DSC1: variants seen among roughly 807,000 people sequenced by gnomAD.
DSC1 encodes desmocollin-1.
DSC1 carries 79 observed loss-of-function variants against 98.8 expected under a neutral mutation model. The observed-to-expected ratio is 0.80, with a 90% CI of 0.67 to 0.96. The LOEUF is 0.96. DSC1 is among the 50% of genes least tolerant of loss of function. The pLI is 0.00. For missense variants in DSC1, 1,115 were observed against 1,075.9 expected, an observed-to-expected ratio of 1.04 and a Z score of -0.51; for synonymous variants, 405 against 372.1, an observed-to-expected ratio of 1.09 and a Z score of -1.02.
At chr18:31,131,996 T>A in intron 14 of DSC1, 154 bp from the exon 15 acceptor site, 1 of 867,306 alleles carries the variant, frequency 1.2e-6, no homozygotes, top group Admixed American at 2.8e-5. Flanking sequence ...GTGTGATGGG[T>A]TGAATTGAGT....
chr18:31,154,465 G>A (rs1054552700), intron 5 of DSC1, among the ~76,000 whole-genome samples: 23 of 151,954 alleles, frequency 1.5e-4, no homozygotes, highest in African/African-American at 5.1e-4. Context: ...GAGAATAACT[G>A]AGTCATTTTA....
chr18:31,150,351 C>CCATCAT (rs1568002821), intron 5 of DSC1, among the ~76,000 whole-genome samples: 8 of 1,102 alleles, frequency 7.3e-3, no homozygotes, highest in Non-Finnish European at 0.012. Flanking sequence ...ATCACCACCA[C>CCATCAT]CACCACCATC....
chr18:31,134,762 T>A lies in DSC1; in HGVS notation c.1686A>T (p.Thr562=). ...VDAVGRSCTG[T]LVVHLDDYND... ...TGTAATCATCCAAATGAACTACTAA[T>A]GTTCCAGTGCAAGATCGGCCAACTA... The change falls in exon 12 of 16, where the codon ACA becomes ACT. Residue 562 remains threonine (T), a synonymous_variant. Transcript: ENST00000257198. 6.2e-7 allele frequency: 1 copy of A among 1,612,114 alleles called. No homozygotes were observed. Among genetic ancestry groups the A allele is most frequent in the South Asian group, 1.1e-5 (1 of 90,972 alleles).
chr18:31,138,561 A>G (rs1658110), intron 11 of DSC1, among the ~76,000 whole-genome samples: 1 of 151,626 alleles, frequency 6.6e-6, no homozygotes, highest in Non-Finnish European at 1.5e-5. Context: ...TTCTTTGCCA[A>G]CATAGAAAAA....
Position 31,145,731 on chromosome 18 carries a change from G to C in DSC1, c.819C>G (p.Asp273Glu). The stretch of plus-strand genomic sequence containing the variant: ...TATATTTCAGACGAGTATGGAGAGT[G>C]TCAGGTTCGTCAAGGTCTGTGGCGG... ...KVTATDLDEP[D>E]TLHTRLKYKI... Residue 273 changes from aspartate (D) to glutamate (E), a missense_variant, in exon 7 of 16, where the codon GAC (aspartate) becomes GAG (glutamate). By Grantham distance (45) the Asp-to-Glu change is conservative. Transcript: ENST00000257198. The C allele has an allele frequency of 6.2e-7, 1 of 1,614,202 alleles. No individual in the cohort carries two copies. Among genetic ancestry groups the C allele is most frequent in the Non-Finnish European group, 8.5e-7 (1 of 1,180,032 alleles).
intron 8 of DSC1, among the ~76,000 whole-genome samples, chr18:31,143,111 A>G (rs1363379676): frequency 6.6e-6 from 1 of 151,838 alleles, no homozygotes; most frequent in East Asian, 1.9e-4. Flanking sequence ...ATATAAATAT[A>G]TATATGTGTA....
intron 5 of DSC1, among the ~76,000 whole-genome samples, chr18:31,150,205 C>CATT (rs1171005688): frequency 6.8e-6 from 1 of 147,016 alleles, no homozygotes; most frequent in Non-Finnish European, 1.5e-5. Flanking sequence ...TCATCACCAC[C>CATT]ACCACCACCA....
chr18:31,131,574 T>G lies in DSC1; in HGVS notation c.2487+20A>C. 1 of 1,613,720 alleles carries G rather than the reference T, an allele frequency of 6.2e-7. No homozygotes were observed. On this transcript the variant is annotated intron_variant, in intron 15 of 15. Transcript: ENST00000257198. Reference sequence around the variant, plus strand: ...CATTTAACTTCCATGTAATATGACCTCAAAGACAGTGGAACTTACTTCGCC... The same window carrying G: ...CATTTAACTTCCATGTAATATGACCGCAAAGACAGTGGAACTTACTTCGCC...
In DSC1 at chr18:31,130,566, T is replaced by G. The variant is rs1252715444; in HGVS notation, c.2633A>C (p.Asp878Ala). 1.2e-6 allele frequency: 2 copies of G among 1,614,182 alleles called. No homozygotes were observed. Among genetic ancestry groups the G allele is most frequent in the Non-Finnish European group, 1.7e-6 (2 of 1,180,030 alleles). ...TGTCCTAAATTTGGGTTCCAGGTGA[T>G]CTAGAAACTCCAGTCCCTCTTCTTC... ...RQEEEGLEFL[D>A]HLEPKFRTLA... Residue 878 changes from aspartate (D) to alanine (A), a missense_variant, in exon 16 of 16, where the codon GAT becomes GCT. Transcript: ENST00000257198.
At chr18:31,131,988 G>A in intron 14 of DSC1, 146 bp from the exon 15 acceptor site, 1 of 948,648 alleles carries the variant, frequency 1.1e-6, no homozygotes, top group Non-Finnish European at 1.5e-6. Context: ...TATCATAGGT[G>A]TGATGGGTTG....
intron 11 of DSC1, among the ~76,000 whole-genome samples, chr18:31,138,763 A>AT (rs60894645): frequency 6.6e-6 from 1 of 151,306 alleles, no homozygotes; most frequent in Non-Finnish European, 1.5e-5. Flanking sequence ...GGAAAAAAAA[A>AT]CCCATAGCAT....
At chr18:31,155,062 G>A in intron 4 of DSC1, 133 bp from the exon 5 acceptor site, 1 of 1,053,204 alleles carries the variant, frequency 9.5e-7, no homozygotes, top group South Asian at 1.7e-5. Flanking sequence ...CTGCTTAGGT[G>A]CCCATTATCT....
intron 11 of DSC1, among the ~76,000 whole-genome samples, chr18:31,138,092 T>C (rs981077948): frequency 2.0e-5 from 3 of 152,030 alleles, no homozygotes; most frequent in Non-Finnish European, 4.4e-5. Context: ...CTTTACTTTT[T>C]TATTAAACAC....
chr18:31,162,672 C>T lies in DSC1; in HGVS notation c.-78G>A, dbSNP rs977484675. ...GATGCACAGAGCGGCTAAGAAGACG[C>T]TGGCACTTGCACAGGGTATTCTGCT... On this transcript the variant is annotated 5_prime_UTR_variant, in exon 1 of 16. Coordinates refer to ENST00000257198, the MANE Select transcript of DSC1 (RefSeq NM_024421.2). 1.5e-6 allele frequency: 2 copies of T among 1,301,932 alleles called. 1 individual carries two copies. Among genetic ancestry groups the T allele is most frequent in the Non-Finnish European group, 2.2e-6 (2 of 900,220 alleles). The allele number at this position is 1,301,932 out of a possible 1,614,324, so 80.6% of individuals were successfully genotyped here.
chr18:31,145,706 T>C lies in DSC1; in HGVS notation c.844A>G (p.Lys282Glu). ...TGATCTGGGATTTGTTGTAAGATTT[T>C]ATATTTCAGACGAGTATGGAGAGTG... Reference protein sequence around the residue: ...PDTLHTRLKYKILQQIPDHPK... With the variant: ...PDTLHTRLKYEILQQIPDHPK... Residue 282 changes from lysine (K) to glutamate (E), a missense_variant, in exon 7 of 16, where the codon AAA (lysine) becomes GAA (glutamate). Coordinates refer to ENST00000257198, the MANE Select transcript of DSC1 (RefSeq NM_024421.2). The C allele has an allele frequency of 4.3e-6, 7 of 1,614,220 alleles. No homozygotes were observed. The highest frequency in any genetic ancestry group is 5.9e-6 in the Non-Finnish European group (7 of 1,180,034).
intron 5 of DSC1, chr18:31,150,784 T>C (rs1225356644): frequency 2.6e-5 from 4 of 152,212 alleles, no homozygotes; most frequent in Non-Finnish European, 4.4e-5. Context: ...TAAAATGGTT[T>C]TATATCTCTA....
intron 6 of DSC1, among the ~76,000 whole-genome samples, chr18:31,146,159 G>A (rs1019385644): frequency 8.5e-5 from 13 of 152,150 alleles, no homozygotes; most frequent in Non-Finnish European, 1.9e-4. Flanking sequence ...CGATACCGAG[G>A]TTTGGGCTTC....
intron 11 of DSC1, 98 bp downstream of exon 11, chr18:31,139,650 T>C: frequency 8.1e-7 from 1 of 1,232,332 alleles, no homozygotes; most frequent in Non-Finnish European, 1.1e-6. Context: ...AAACATTGCT[T>C]GAATTATGTT....
intron 2 of DSC1, 24 bp from the exon 3 acceptor site, chr18:31,157,597 A>C: frequency 6.2e-7 from 1 of 1,613,622 alleles, no homozygotes; most frequent in Non-Finnish European, 8.5e-7. Context: ...ATATCACAGC[A>C]GTTTGTCAGA....
Sources: allele counts gnomAD v4.1 joint callset (sites outside exome capture counted in the v4.1 genomes callset), GRCh38; gene constraint gnomAD v4.1.1; transcripts MANE v1.5; gene names NCBI Gene and HGNC (gene_info 2026-07-23, HGNC 2026-07-21).